MALRD1: variants seen among roughly 807,000 people sequenced by gnomAD.
The protein encoded by MALRD1 is MAM and LDL-receptor class A domain-containing protein 1.
A neutral mutation model predicts 242.1 loss-of-function variants in MALRD1; 247 were observed. The observed-to-expected ratio is 1.02, with a 90% CI of 0.92 to 1.13. The LOEUF is 1.13. MALRD1 is among the 50% of genes most tolerant of loss of function. MALRD1 has a pLI of 0.00. For missense variants in MALRD1, 2,989 were observed against 2,533.1 expected, an observed-to-expected ratio of 1.18 and a Z score of -3.86; for synonymous variants, 995 against 866.6, an observed-to-expected ratio of 1.15 and a Z score of -2.60.
intron 18 of MALRD1, among the ~76,000 whole-genome samples, chr10:19,240,706 C>T (rs1838726563): frequency 6.6e-6 from 1 of 152,050 alleles, no homozygotes; most frequent in Admixed American, 6.6e-5. Context: ...GTGGGTTTGT[C>T]ACATATGGCC....
chr10:19,254,781 G>A (rs1588788566), intron 18 of MALRD1, among the ~76,000 whole-genome samples: 2 of 151,446 alleles, frequency 1.3e-5, no homozygotes, highest in African/African-American at 4.9e-5. Flanking sequence ...TAATGTATCT[G>A]AGGATACATT....
intron 18 of MALRD1, among the ~76,000 whole-genome samples, chr10:19,218,848 A>G (rs1015858712): frequency 1.3e-5 from 2 of 152,124 alleles, no homozygotes; most frequent in Non-Finnish European, 2.9e-5. Flanking sequence ...GAGATATTAT[A>G]CTGAAAAATG....
At chr10:19,695,241 T>C (rs956178169) in intron 38 of MALRD1, among the ~76,000 whole-genome samples, 2 of 151,980 alleles carry the variant, frequency 1.3e-5, no homozygotes, top group Non-Finnish European at 2.9e-5. Context: ...TAAATATATA[T>C]GAAATATTTA....
At chr10:19,098,632 C>G (rs975011049) in intron 4 of MALRD1, among the ~76,000 whole-genome samples, 2 of 152,124 alleles carry the variant, frequency 1.3e-5, no homozygotes, top group Admixed American at 6.6e-5. Context: ...AAAACTCTTA[C>G]ATAATACATA....
At chr10:19,203,610 C>T in intron 14 of MALRD1, 118 bp from the exon 15 acceptor site, 1 of 951,306 alleles carries the variant, frequency 1.1e-6, no homozygotes, top group African/African-American at 1.6e-5. Flanking sequence ...ATGTGTCCCT[C>T]ATTGCCCTTC....
At chr10:19,054,793 G>A (rs1834612531) in intron 1 of MALRD1, among the ~76,000 whole-genome samples, 1 of 152,142 alleles carries the variant, frequency 6.6e-6, no homozygotes, top group South Asian at 2.1e-4. Context: ...TTTTCTTTAT[G>A]TATCCATTGA....
chr10:19,247,547 G>C (rs548967606), intron 18 of MALRD1, among the ~76,000 whole-genome samples: 1 of 151,190 alleles, frequency 6.6e-6, no homozygotes, highest in South Asian at 2.1e-4. Flanking sequence ...CCCCACCCCC[G>C]AACTACATTA....
At chr10:19,315,577 A>AAATATAAATATAAT (rs1842652540) in intron 21 of MALRD1, among the ~76,000 whole-genome samples, 3 of 112,874 alleles carry the variant, frequency 2.7e-5, no homozygotes, top group Admixed American at 9.4e-5. Context: ...AAATATATAA[A>AAATATAAATATAAT]TTATAAATTA....
chr10:19,521,009 G>A (rs1487353415), intron 31 of MALRD1, among the ~76,000 whole-genome samples: 1 of 152,018 alleles, frequency 6.6e-6, no homozygotes, highest in East Asian at 1.9e-4. Flanking sequence ...CCCAAATGAT[G>A]CTTGCTTGCT....
At chr10:19,513,272 C>T (rs1044080364) in intron 31 of MALRD1, among the ~76,000 whole-genome samples, 5 of 151,754 alleles carry the variant, frequency 3.3e-5, no homozygotes, top group African/African-American at 1.2e-4. Flanking sequence ...AGACCTCCCC[C>T]TTCACTCTCT....
At chr10:19,670,463 A>G (rs1841867038) in intron 36 of MALRD1, among the ~76,000 whole-genome samples, 1 of 152,140 alleles carries the variant, frequency 6.6e-6, no homozygotes. Context: ...TTCAGACACT[A>G]GTCACTCTAC....
intron 26 of MALRD1, among the ~76,000 whole-genome samples, chr10:19,355,284 G>A (rs1844569502): frequency 1.3e-5 from 2 of 151,994 alleles, no homozygotes; most frequent in Non-Finnish European, 2.9e-5. Context: ...ACCACCTTGA[G>A]TATCAGTTTA....
intron 31 of MALRD1, among the ~76,000 whole-genome samples, chr10:19,525,273 C>A (rs1230809145): frequency 6.6e-6 from 1 of 151,142 alleles, no homozygotes; most frequent in African/African-American, 2.4e-5. Context: ...AAATTGATTA[C>A]CTTATAGTAG....
chr10:19,618,522 A>T (rs1291936520), intron 36 of MALRD1, among the ~76,000 whole-genome samples: 1 of 152,060 alleles, frequency 6.6e-6, no homozygotes, highest in Admixed American at 6.6e-5. Context: ...AATAATAGCC[A>T]TTTTGACTGG....
intron 28 of MALRD1, among the ~76,000 whole-genome samples, chr10:19,390,100 C>G (rs1347272451): frequency 6.6e-6 from 1 of 152,136 alleles, no homozygotes; most frequent in Non-Finnish European, 1.5e-5. Context: ...GCTTTGAGTT[C>G]AACATCATAT....
intron 38 of MALRD1, among the ~76,000 whole-genome samples, chr10:19,713,959 A>G (rs1368341940): frequency 6.6e-6 from 1 of 152,148 alleles, no homozygotes; most frequent in Non-Finnish European, 1.5e-5. Context: ...CCGCTGCCCA[A>G]ACCTCTAGGG....
rs1311435084 is a variant in MALRD1, at chr10:19,125,362, TTTCTTTCTTTCTTTCTTTCC to T, written c.943+696_943+715del. 8.1e-3 allele frequency among the ~76,000 whole-genome samples: 1,019 copies of T among 125,116 alleles called. 19 individuals are homozygous for T. Among genetic ancestry groups the T allele is most frequent in the South Asian group, 0.021 (72 of 3,474 alleles). 82.1% of individuals were successfully genotyped at this position (125,116 alleles called of 152,430 possible). On this transcript the variant is annotated intron_variant, in intron 7 of 39. Coordinates refer to ENST00000454679, the MANE Select transcript of MALRD1 (RefSeq NM_001142308.3). ...CTTTCTTTCTTTCTTTCTTTCTTTC[TTTCTTTCTTTCTTTCTTTCC>T]TTCCTTCCTTCCTTCCTTCCATCCA...
chr10:19,670,799 C>G (rs1356271553), intron 36 of MALRD1, among the ~76,000 whole-genome samples: 1 of 152,078 alleles, frequency 6.6e-6, no homozygotes, highest in Non-Finnish European at 1.5e-5. Context: ...TGCTGCTATC[C>G]TGATTCTTAA....
At chr10:19,159,595 G>T (rs1834309485) in intron 12 of MALRD1, among the ~76,000 whole-genome samples, 2 of 151,458 alleles carry the variant, frequency 1.3e-5, no homozygotes, top group Admixed American at 1.3e-4. Flanking sequence ...AAAATTGGCA[G>T]AAAATTTGAA....
Sources: gnomAD v4.1 joint callset for allele counts (sites outside exome capture counted in the v4.1 genomes callset) on GRCh38, gnomAD v4.1.1 for gene constraint, MANE v1.5 for transcripts, NCBI Gene and HGNC (gene_info 2026-07-23, HGNC 2026-07-21) for gene names.